Variants in OCRL observed in about 807,000 individuals in gnomAD.
OCRL encodes OCRL inositol polyphosphate-5-phosphatase, also known as inositol polyphosphate 5-phosphatase OCRL.
OCRL carries 8 observed loss-of-function variants against 78.9 expected under a neutral mutation model. The ratio of observed to expected loss-of-function variants is 0.10; its 90% confidence interval spans 0.06 to 0.18. The LOEUF (loss-of-function observed/expected upper bound fraction) is 0.18, where lower values mean the gene tolerates loss of function less well. Among genes scored for constraint, OCRL ranks in the 10% least tolerant of loss-of-function variants. OCRL has a pLI of 1.00. For missense variants in OCRL, 454 were observed against 696.7 expected, an observed-to-expected ratio of 0.65 and a Z score of 3.92; for synonymous variants, 240 against 235.4, an observed-to-expected ratio of 1.02 and a Z score of -0.18.
At chrX:129,551,760 T>C (rs765962985) in intron 4 of OCRL, among the ~76,000 whole-genome samples, 1 of 112,670 alleles carries the variant, frequency 8.9e-6, no homozygotes, top group Admixed American at 9.3e-5. Flanking sequence ...TAATAAATGC[T>C]CTTGAGGAAA....
chrX:129,576,846 T>G (rs760204638), intron 18 of OCRL, among the ~76,000 whole-genome samples: 8 of 111,732 alleles, frequency 7.2e-5, no homozygotes, highest in African/African-American at 2.3e-4. Flanking sequence ...CTCTTCATAC[T>G]CTCAAGTCAC....
At chrX:129,555,554 G>A (rs1461331488) in intron 4 of OCRL, among the ~76,000 whole-genome samples, 1 of 112,429 alleles carries the variant, frequency 8.9e-6, no homozygotes, top group Non-Finnish European at 1.9e-5. Context: ...GAGATGCAGA[G>A]AATATTCAGA....
chrX:129,580,605 C>T (rs1024844166), intron 18 of OCRL, among the ~76,000 whole-genome samples: 4 of 111,799 alleles, frequency 3.6e-5, no homozygotes, highest in Non-Finnish European at 5.6e-5. Context: ...GTTGTAAATA[C>T]GGAGATGAAA....
intron 19 of OCRL, among the ~76,000 whole-genome samples, chrX:129,586,012 G>A (rs5975121): frequency 0.012 from 1,300 of 111,197 alleles, 12 homozygotes; most frequent in East Asian, 0.045. Context: ...GGCGGGGGAG[G>A]GAGGAGGATG....
At chrX:129,571,930 T>C (rs1391380448) in intron 15 of OCRL, among the ~76,000 whole-genome samples, 1 of 111,483 alleles carries the variant, frequency 9.0e-6, no homozygotes, top group East Asian at 2.8e-4. Flanking sequence ...GGAGTTTATA[T>C]CTTTCTAGAC....
chrX:129,588,085 T>G (rs965825363), intron 20 of OCRL, 94 bp from the exon 21 acceptor site: 1 of 644,534 alleles, frequency 1.6e-6, no homozygotes, highest in African/African-American at 2.2e-5. Context: ...CACCCTTCCC[T>G]TTTGCTTCCT....
intron 14 of OCRL, among the ~76,000 whole-genome samples, chrX:129,568,338 C>T (rs1190916536): frequency 9.0e-6 from 1 of 111,211 alleles, no homozygotes; most frequent in Non-Finnish European, 1.9e-5. Flanking sequence ...TTTTTCTTTT[C>T]TTCTTTTTCT....
chrX:129,566,565 A>G (rs890686120), intron 13 of OCRL, among the ~76,000 whole-genome samples: 1 of 112,710 alleles, frequency 8.9e-6, no homozygotes, highest in African/African-American at 3.2e-5. Context: ...ACTGGCTGCT[A>G]AAAGTGAATG....
intron 18 of OCRL, among the ~76,000 whole-genome samples, chrX:129,579,821 T>C (rs1467077696): frequency 8.9e-6 from 1 of 112,552 alleles, no homozygotes; most frequent in Non-Finnish European, 1.9e-5. Context: ...TTAGTGGTGA[T>C]GAAAGTATAT....
chrX:129,547,295 G>A (rs774057354), intron 3 of OCRL, among the ~76,000 whole-genome samples: 2 of 110,352 alleles, frequency 1.8e-5, no homozygotes, highest in Admixed American at 1.9e-4. Context: ...GGAGGCCAAG[G>A]TGGGCAGATC....
rs371707932 is a variant in OCRL at position 129,558,934 on chromosome X, C to T, written c.655C>T (p.Arg219Trp). Residue 219 changes from arginine to tryptophan, a missense_variant, in exon 8 of 24, where the codon CGG becomes TGG. Around this residue, in one of 2 missense-constraint regions of OCRL, gnomAD observed 177 missense variants for 179.6 expected, o/e 0.99. Transcript: ENST00000371113. Reference protein sequence around the residue: ...LFVPNTQSGQREGLIKHILAK... With the variant: ...LFVPNTQSGQWEGLIKHILAK... ...TGTACCAAATACCCAATCTGGGCAG[C>T]GGGAGGGTCTCATCAAACATATCCT... 4 of 1,210,769 alleles carry T rather than the reference C, an allele frequency of 3.3e-6. No individual in the cohort carries two copies. The highest frequency in any genetic ancestry group is 4.5e-6 in the Non-Finnish European group (4 of 894,721).
rs1464518619 is a variant in OCRL, at chrX:129,576,215, T to C, written c.1880-102T>C. ...GTCCTGTCTCTTCCCCCTCATTGCT[T>C]AATGATTTTTTTAGAGGACACTTTT... On this transcript the variant is annotated intron_variant, in intron 17 of 23. Transcript: ENST00000371113. 8 of 941,321 alleles carry C rather than the reference T, an allele frequency of 8.5e-6. No individual in the cohort carries two copies. In the African/African-American group the frequency reaches 1.4e-4, roughly 16 times the overall value. The allele number at this position is 941,321 out of a possible 1,213,427, so 77.6% of individuals were successfully genotyped here.
chrX:129,566,842 A>G (rs1356721784), intron 13 of OCRL, among the ~76,000 whole-genome samples: 1 of 112,501 alleles, frequency 8.9e-6, no homozygotes, highest in East Asian at 2.8e-4. Flanking sequence ...TTCAGTGAGG[A>G]TCTTTCAAAA....
At chrX:129,551,041 G>T (rs1395704419) in intron 4 of OCRL, among the ~76,000 whole-genome samples, 1 of 110,873 alleles carries the variant, frequency 9.0e-6, no homozygotes, top group Admixed American at 9.6e-5. Context: ...GGTATTTATG[G>T]AGATGATTTT....
At chrX:129,579,620 G>A (rs1936416375) in intron 18 of OCRL, among the ~76,000 whole-genome samples, 1 of 111,857 alleles carries the variant, frequency 8.9e-6, no homozygotes, top group South Asian at 3.7e-4. Flanking sequence ...GCCACTCCTA[G>A]AATAGTTGAG....
At chrX:129,540,655 G>C (rs1935780674) in intron 1 of OCRL, 89 bp from the exon 2 acceptor site, 4 of 566,719 alleles carry the variant, frequency 7.1e-6, no homozygotes, top group Admixed American at 3.7e-5. Flanking sequence ...GGGCGGCGGT[G>C]GGGGGGGGGT....
chrX:129,590,384 G>A lies in OCRL; in HGVS notation c.*114G>A, dbSNP rs1436167122. On this transcript the variant is annotated 3_prime_UTR_variant, in exon 24 of 24. Transcript: ENST00000371113. ...GGTCTATTGCAGAATTTCAAGTTCTGTTTATAGTAAAAAGGAAGAGCGTTT... is the reference window on the plus strand; with the variant it reads ...GGTCTATTGCAGAATTTCAAGTTCTATTTATAGTAAAAAGGAAGAGCGTTT... 1.9e-5 allele frequency: 18 copies of A among 958,979 alleles called. No individual in the cohort carries two copies. Among genetic ancestry groups the A allele is most frequent in the Non-Finnish European group, 2.5e-5 (17 of 678,377 alleles). 79.0% of individuals were successfully genotyped at this position (958,979 alleles called of 1,213,427 possible). A position where few individuals can be genotyped will look rare whatever the true frequency, so the allele number is the denominator to read the frequency against.
chrX:129,574,977 A>G (rs1283014904), intron 15 of OCRL, among the ~76,000 whole-genome samples, 163 bp from the exon 16 acceptor site: 5 of 112,258 alleles, frequency 4.5e-5, no homozygotes, highest in African/African-American at 9.7e-5. Context: ...TTCAGGTGCA[A>G]GCTGTGGATG....
intron 4 of OCRL, among the ~76,000 whole-genome samples, chrX:129,554,820 T>C (rs1373163222): frequency 2.8e-5 from 3 of 108,689 alleles, no homozygotes; most frequent in African/African-American, 1.0e-4. Flanking sequence ...GGTGTGGTCG[T>C]GCGTGCCTGT....
Sources: allele counts gnomAD v4.1 joint callset (sites outside exome capture counted in the v4.1 genomes callset), GRCh38; gene constraint gnomAD v4.1.1; regional missense constraint gnomAD v4.1.1; transcripts MANE v1.5; gene names NCBI Gene and HGNC (gene_info 2026-07-23, HGNC 2026-07-21).